ABCA10: variants seen among roughly 807,000 people sequenced by gnomAD.
The protein encoded by ABCA10 is ATP binding cassette subfamily A member 10, also known as ATP-binding cassette sub-family A member 10.
ABCA10 carries 169 observed loss-of-function variants against 187.5 expected under a neutral mutation model. The ratio of observed to expected loss-of-function variants is 0.90; its 90% CI spans 0.80 to 1.02. ABCA10 has a LOEUF of 1.02. Ranked by LOEUF, ABCA10 falls within the 50% of genes least tolerant of loss-of-function variation. The probability of loss-of-function intolerance (pLI) is 0.00; values close to 1 mark genes in which losing one functional copy is unlikely to be tolerated. For synonymous variants in ABCA10, 574 were observed against 601.8 expected (o/e 0.95, Z 0.68); for missense variants, 1,727 against 1,812.4 (o/e 0.95, Z 0.86).
chr17:69,219,520 A>G (rs541716085), intron 6 of ABCA10, 25 bp downstream of exon 6: 3 of 1,476,032 alleles, frequency 2.0e-6, no homozygotes, highest in African/African-American at 2.8e-5. Flanking sequence ...TGTATGATAT[A>G]CAGTAAAGTA....
At chr17:69,151,532 G>A (rs2074128098) in intron 36 of ABCA10, among the ~76,000 whole-genome samples, 1 of 152,124 alleles carries the variant, frequency 6.6e-6, no homozygotes, top group Admixed American at 6.6e-5. Flanking sequence ...ATTCACAAGG[G>A]TTTGATTACC....
chr17:69,201,526 TG>T lies in ABCA10; in HGVS notation c.1148del (p.Pro383GlnfsTer9). The T allele has an allele frequency of 6.2e-7, 1 of 1,601,788 alleles. No individual in the cohort carries two copies. The highest frequency in any genetic ancestry group is 1.8e-5 in the Admixed American group (1 of 56,844). On this transcript the variant is annotated frameshift_variant, in exon 10 of 39. Transcript: ENST00000690296. LOFTEE classifies it high-confidence loss of function. Reference sequence around the variant, plus strand: ...TTATGGCTTCTTTTCCATGGAATTCTGGAGACACCGGTTCAAAAGAATCATC... The same window carrying T: ...TTATGGCTTCTTTTCCATGGAATTCTGAGACACCGGTTCAAAAGAATCATC... ...SSDDSFEPVS[P>X]EFHGKEAIRI... is the part of the protein sequence containing the mutation.
At chr17:69,158,202 T>G (rs2074188499) in intron 27 of ABCA10, among the ~76,000 whole-genome samples, 1 of 152,068 alleles carries the variant, frequency 6.6e-6, no homozygotes, top group Admixed American at 6.6e-5. Context: ...GGACGCCTTC[T>G]TGCAACAGTG....
chr17:69,153,798 T>G lies in ABCA10; in HGVS notation c.3965+33A>C, dbSNP rs762450956. 7 of 1,578,200 alleles carry G rather than the reference T, an allele frequency of 4.4e-6. No homozygotes were observed. The Admixed American group carries it at 5.6e-5, about 13-fold the overall frequency. On this transcript the variant is annotated intron_variant, in intron 32 of 38. Coordinates refer to ENST00000690296, the MANE Select transcript of ABCA10 (RefSeq NM_001377321.1). ...AAGAAATGACATATTTTCCCCTTCC[T>G]CCTGCTACAAATTGTGAGACTTCTC... is the stretch of plus-strand genomic sequence containing the variant.
intron 9 of ABCA10, among the ~76,000 whole-genome samples, chr17:69,211,957 T>G (rs2074664507): frequency 6.6e-6 from 1 of 152,144 alleles, no homozygotes; most frequent in Admixed American, 6.5e-5. Context: ...ATTTTTTGTA[T>G]TTTTTGTTTC....
intron 3 of ABCA10, among the ~76,000 whole-genome samples, chr17:69,223,994 A>T (rs2074773503): frequency 6.6e-6 from 1 of 152,176 alleles, no homozygotes; most frequent in African/African-American, 2.4e-5. Flanking sequence ...AAATGACTAC[A>T]CAAAGGAAGT....
At chr17:69,200,601 T>C (rs562453168) in intron 10 of ABCA10, among the ~76,000 whole-genome samples, 1 of 152,222 alleles carries the variant, frequency 6.6e-6, no homozygotes, top group Non-Finnish European at 1.5e-5. Flanking sequence ...TCAAACCAGT[T>C]TGAATATACA....
At chr17:69,226,108 T>C (rs1158666118) in intron 2 of ABCA10, among the ~76,000 whole-genome samples, 2 of 152,094 alleles carry the variant, frequency 1.3e-5, no homozygotes, top group Non-Finnish European at 1.5e-5. Context: ...TATTTTTAAT[T>C]TTGTGTAGTG....
chr17:69,207,829 TAGGAGGAATAAACTCAAGAGA>T (rs1381986035), intron 9 of ABCA10, among the ~76,000 whole-genome samples: 1 of 152,090 alleles, frequency 6.6e-6, no homozygotes, highest in African/African-American at 2.4e-5. Flanking sequence ...TTTAGTTAGA[TAGGAGGAATAAACTCAAGAGA>T]CCCATTGTAC....
chr17:69,171,963 C>T (rs1410527545), intron 25 of ABCA10, among the ~76,000 whole-genome samples: 4 of 137,988 alleles, frequency 2.9e-5, no homozygotes, highest in Admixed American at 2.2e-4. Context: ...AGATTGATCT[C>T]AAAAGGGAGG....
At chr17:69,161,659 ACTT>A (rs756085783) in intron 27 of ABCA10, among the ~76,000 whole-genome samples, 1 of 152,172 alleles carries the variant, frequency 6.6e-6, no homozygotes, top group Non-Finnish European at 1.5e-5. Flanking sequence ...ACTCATCCTA[ACTT>A]CTTATAATAT....
At chr17:69,158,339 A>G (rs1237663057) in intron 27 of ABCA10, among the ~76,000 whole-genome samples, 1 of 151,992 alleles carries the variant, frequency 6.6e-6, no homozygotes, top group African/African-American at 2.4e-5. Context: ...CGGAAAATGC[A>G]AGATAAGAAT....
At chr17:69,199,771 C>T (rs190471729) in intron 10 of ABCA10, among the ~76,000 whole-genome samples, 23 of 152,286 alleles carry the variant, frequency 1.5e-4, no homozygotes, top group African/African-American at 5.5e-4. Flanking sequence ...TCCTAAAAGA[C>T]GAGCTTTCGG....
intron 9 of ABCA10, among the ~76,000 whole-genome samples, chr17:69,211,324 T>TG (rs1460141115): frequency 8.2e-5 from 1 of 12,172 alleles, no homozygotes; most frequent in South Asian, 2.2e-3. Flanking sequence ...GATATATATA[T>TG]ATATATATAT....
chr17:69,219,628 G>A lies in ABCA10; in HGVS notation c.447C>T (p.Tyr149=). 6.2e-7 allele frequency: 1 copy of A among 1,611,566 alleles called. No homozygotes were observed. The highest frequency in any genetic ancestry group is 1.7e-5 in the Admixed American group (1 of 59,814). The part of the protein sequence containing the change: ...TCLVSFSSFI[Y]FASLNVARER... ...CCCTTGCAACATTTAATGATGCAAA[G>A]TATATAAAAGAAGAGAAAGAAACTA... The change falls in exon 6 of 39, where the codon TAC becomes TAT. Residue 149 remains tyrosine (Y), a synonymous_variant. Transcript: ENST00000690296.
intron 1 of ABCA10, chr17:69,234,409 G>GGCA (rs1231397412): frequency 6.6e-6 from 1 of 152,228 alleles, no homozygotes; most frequent in Non-Finnish European, 1.5e-5. Context: ...TGGACTCCTT[G>GGCA]GCAGATGGTT....
At chr17:69,162,194 G>A (rs189636673) in intron 27 of ABCA10, among the ~76,000 whole-genome samples, 1 of 152,210 alleles carries the variant, frequency 6.6e-6, no homozygotes, top group Non-Finnish European at 1.5e-5. Flanking sequence ...AAACACATGG[G>A]ATCGAGATTC....
chr17:69,148,965 G>A (rs371513297), intron 38 of ABCA10, 40 bp from the exon 39 acceptor site: 38 of 1,611,974 alleles, frequency 2.4e-5, no homozygotes, highest in Non-Finnish European at 3.2e-5. Flanking sequence ...AAATGTCAGG[G>A]TGTGTCTGAA....
intron 1 of ABCA10, among the ~76,000 whole-genome samples, chr17:69,238,143 C>T (rs2074882997): frequency 7.4e-6 from 1 of 135,636 alleles, no homozygotes; most frequent in South Asian, 2.4e-4. Context: ...GCTTGGGCAA[C>T]AGAGTGAGAC....
Sources: gnomAD v4.1 joint callset for allele counts (sites outside exome capture counted in the v4.1 genomes callset) on GRCh38, gnomAD v4.1.1 for gene constraint, MANE v1.5 for transcripts, NCBI Gene and HGNC (gene_info 2026-07-23, HGNC 2026-07-21) for gene names.